Variants in NPAS3 observed in about 807,000 individuals in gnomAD.
The protein encoded by NPAS3 is neuronal PAS domain-containing protein 3.
In NPAS3, 14 loss-of-function variants were observed where a neutral mutation model predicts 73.1. The observed-to-expected ratio is 0.19, with a 90% CI of 0.13 to 0.30. NPAS3 has a LOEUF of 0.30. Ranked by LOEUF, NPAS3 falls within the 10% of genes least tolerant of loss-of-function variation. The pLI, the probability that NPAS3 is intolerant of heterozygous loss-of-function variation, is 1.00. For missense variants in NPAS3, 1,096 were observed against 1,250.0 expected, an observed-to-expected ratio of 0.88 and a Z score of 1.86; for synonymous variants, 620 against 541.5, an observed-to-expected ratio of 1.14 and a Z score of -2.01.
At chr14:33,710,666 G>A (rs2060793275) in intron 6 of NPAS3, among the ~76,000 whole-genome samples, 1 of 152,104 alleles carries the variant, frequency 6.6e-6, no homozygotes, top group Non-Finnish European at 1.5e-5. Context: ...AAAGGAAAAA[G>A]GAGTGCCCCA....
chr14:33,381,337 C>T (rs1432887064), intron 4 of NPAS3, among the ~76,000 whole-genome samples: 2 of 152,138 alleles, frequency 1.3e-5, no homozygotes, highest in Non-Finnish European at 2.9e-5. Flanking sequence ...CAGTTGGTAC[C>T]TATTATCTCT....
chr14:32,952,519 C>T (rs1474837189), intron 1 of NPAS3, among the ~76,000 whole-genome samples: 11 of 151,874 alleles, frequency 7.2e-5, no homozygotes, highest in South Asian at 2.1e-4. Flanking sequence ...TCCCATACCA[C>T]GCATATAGAT....
chr14:33,414,015 CTT>C (rs1325115166), intron 4 of NPAS3, among the ~76,000 whole-genome samples: 1 of 152,130 alleles, frequency 6.6e-6, no homozygotes, highest in Non-Finnish European at 1.5e-5. Context: ...GGTTCTTTCT[CTT>C]TCCTTCCTCT....
intron 1 of NPAS3, among the ~76,000 whole-genome samples, chr14:32,951,726 C>T (rs1055109944): frequency 1.3e-5 from 2 of 152,114 alleles, no homozygotes; most frequent in Admixed American, 6.6e-5. Flanking sequence ...AAGGGAATAA[C>T]TAATCTCTGA....
chr14:33,433,539 G>A (rs1294272484), intron 4 of NPAS3, among the ~76,000 whole-genome samples: 3 of 152,314 alleles, frequency 2.0e-5, no homozygotes, highest in East Asian at 3.9e-4. Context: ...TTTGAAATGG[G>A]CTGCTGGAAT....
chr14:33,261,519 A>T (rs1351834990), intron 3 of NPAS3, among the ~76,000 whole-genome samples: 1 of 152,146 alleles, frequency 6.6e-6, no homozygotes, highest in Non-Finnish European at 1.5e-5. Flanking sequence ...CCAGTAAAAA[A>T]TATATATGTA....
At chr14:33,770,217 G>A (rs1345661197) in intron 7 of NPAS3, among the ~76,000 whole-genome samples, 1 of 152,178 alleles carries the variant, frequency 6.6e-6, no homozygotes, top group Non-Finnish European at 1.5e-5. Flanking sequence ...AACCACTGGT[G>A]TAACTGCAAA....
chr14:33,759,072 T>C (rs1397328539), intron 7 of NPAS3, among the ~76,000 whole-genome samples: 1 of 152,238 alleles, frequency 6.6e-6, no homozygotes, highest in Admixed American at 6.5e-5. Context: ...TGCCCACTTC[T>C]GAGTTTAGAT....
chr14:33,340,346 T>C (rs577155063), intron 3 of NPAS3, among the ~76,000 whole-genome samples: 4 of 152,146 alleles, frequency 2.6e-5, no homozygotes, highest in South Asian at 4.2e-4. Flanking sequence ...AATACAAAAA[T>C]TAGCCGGGTG....
At chr14:33,036,438 G>A (rs2138381146) in intron 1 of NPAS3, among the ~76,000 whole-genome samples, 1 of 152,138 alleles carries the variant, frequency 6.6e-6, no homozygotes, top group East Asian at 1.9e-4. Flanking sequence ...AAAGGCCTTG[G>A]ACCAAAAAGA....
chr14:33,668,815 T>C (rs891260460), intron 5 of NPAS3, among the ~76,000 whole-genome samples: 2 of 152,174 alleles, frequency 1.3e-5, no homozygotes, highest in African/African-American at 4.8e-5. Flanking sequence ...CGAGACCCTG[T>C]CTCAAAATAA....
intron 2 of NPAS3, among the ~76,000 whole-genome samples, chr14:33,083,178 CAAAAAAAAAAAAAAAAAAAAAAAAA>C (rs57147759): frequency 1.5e-5 from 1 of 65,028 alleles, no homozygotes; most frequent in African/African-American, 4.3e-5. Context: ...GAGACTGTCT[CAAAAAAAAAAAAAAAAAAAAAAAAA>C]AAAAAAAAAA....
chr14:33,802,608 A>T (rs982689562), downstream of NPAS3: 1 of 152,198 alleles, frequency 6.6e-6, no homozygotes, highest in African/African-American at 2.4e-5. Context: ...TGCAGTTTCA[A>T]TGTGTGTTTC....
chr14:33,450,117 T>C (rs1171733300), intron 4 of NPAS3, among the ~76,000 whole-genome samples: 1 of 152,196 alleles, frequency 6.6e-6, no homozygotes, highest in Non-Finnish European at 1.5e-5. Context: ...CAAGTTCTCA[T>C]TGGATATACT....
At chr14:32,955,138 C>G (rs1434278254) in intron 1 of NPAS3, among the ~76,000 whole-genome samples, 2 of 152,122 alleles carry the variant, frequency 1.3e-5, no homozygotes, top group Admixed American at 6.5e-5. Context: ...CTGGTCAACT[C>G]AGATTCAATT....
rs117116082 is a variant in NPAS3 at position 33,450,092 on chromosome 14, A to G, written c.468+82824A>G. ...TTGAAATGGCTCACCCATTAAAAGT[A>G]TTACATGGTGAGGACAAGTTCTCAT... On this transcript the variant is annotated intron_variant, in intron 4 of 11. Coordinates refer to ENST00000356141, the Ensembl canonical transcript of NPAS3. Among the ~76,000 whole-genome samples the G allele has an allele frequency of 1.0e-3, 152 of 152,332 alleles. 5 individuals are homozygous for G. The East Asian group carries it at 0.023, about 23-fold the overall frequency.
Position 33,130,032 on chromosome 14 carries a change from C to T in NPAS3, c.140+74038C>T, listed in dbSNP as rs576206581. ...TTTTAATTTAGGATGTTATTTTTTC[C>T]CTAAATGACAGAAGTGCTACTGTTT... is the stretch of plus-strand genomic sequence containing the variant. On this transcript the variant is annotated intron_variant, in intron 2 of 11. Coordinates refer to ENST00000356141, the Ensembl canonical transcript of NPAS3. Among the ~76,000 whole-genome samples the T allele has an allele frequency of 3.3e-5, 5 of 152,012 alleles. No individual in the cohort carries two copies. In the East Asian group the frequency reaches 9.7e-4, roughly 29 times the overall value.
At chr14:33,178,314 C>G (rs2045671732) in intron 2 of NPAS3, among the ~76,000 whole-genome samples, 1 of 152,062 alleles carries the variant, frequency 6.6e-6, no homozygotes, top group African/African-American at 2.4e-5. Context: ...ACCTCGTGAT[C>G]TGCCTGCCTC....
Position 33,298,634 on chromosome 14 carries a change from C to A in NPAS3, c.386-68552C>A, listed in dbSNP as rs143676320. Among the ~76,000 whole-genome samples the A allele has an allele frequency of 3.2e-3, 484 of 152,280 alleles. 3 individuals carry two copies. Among genetic ancestry groups the A allele is most frequent in the Admixed American group, 8.8e-3 (134 of 15,298 alleles). On this transcript the variant is annotated intron_variant, in intron 3 of 11. Transcript: ENST00000356141. ...GTCTATCCTTTCCTATATGTTTTCC[C>A]TTTCCATTTGGTCTTTGGGTATCTA... is the stretch of plus-strand genomic sequence containing the variant.
Sources: gnomAD v4.1 joint callset for allele counts (sites outside exome capture counted in the v4.1 genomes callset) on GRCh38, gnomAD v4.1.1 for gene constraint, MANE v1.5 for transcripts, NCBI Gene and HGNC (gene_info 2026-07-23, HGNC 2026-07-21) for gene names.